The following SCN9A variants were observed in gnomAD, a reference collection of about 807,000 sequenced individuals.
SCN9A encodes sodium channel protein type 9 subunit alpha.
A neutral mutation model predicts 187.0 loss-of-function variants in SCN9A; 131 were observed. That is an observed-to-expected ratio of 0.70 (90% CI 0.61 to 0.81). SCN9A has a LOEUF of 0.81. Ranked by LOEUF, SCN9A falls within the 30% of genes least tolerant of loss-of-function variation. The pLI is 0.00. For missense variants in SCN9A, 2,252 were observed against 2,396.6 expected, an observed-to-expected ratio of 0.94 and a Z score of 1.26; for synonymous variants, 809 against 808.6, an observed-to-expected ratio of 1.00 and a Z score of -0.01.
In SCN9A at chr2:166,199,511, T is replaced by A; in HGVS notation, c.5128A>T (p.Ser1710Cys). 1 of 1,614,218 alleles carries A rather than the reference T, an allele frequency of 6.2e-7. No individual in the cohort carries two copies. The highest frequency in any genetic ancestry group is 8.5e-7 in the Non-Finnish European group (1 of 1,180,046). ...WDGLLAPILNSKPPDCDPKKV... is the reference protein window; with the variant it reads ...WDGLLAPILNCKPPDCDPKKV... ...TTTGGGTCACAGTCGGGTGGCTTAC[T>A]GTTAAGAATAGGTGCTAGCAATCCA... The change falls in exon 27 of 27, where the codon AGT becomes TGT. Residue 1710 changes from serine to cysteine, a missense_variant. This residue lies in a region of SCN9A where 345 missense variants were observed against 344.6 expected (regional missense o/e 1.00). Transcript: ENST00000642356.
chr2:166,363,075 T>C (rs763905132), intron 1 of SCN9A, among the ~76,000 whole-genome samples: 1 of 152,042 alleles, frequency 6.6e-6, no homozygotes, highest in African/African-American at 2.4e-5. Flanking sequence ...ATCTGTGGTA[T>C]AAACACTAAC....
Position 166,196,565 on chromosome 2 carries a change from T to A in SCN9A, c.*2107A>T, listed in dbSNP as rs1028598933. 2 of 152,192 alleles carry A rather than the reference T, an allele frequency of 1.3e-5. No homozygotes were observed. The highest frequency in any genetic ancestry group is 4.8e-5 in the African/African-American group (2 of 41,460). The allele number at this position is 152,192 out of a possible 1,614,324, so 9.4% of individuals were successfully genotyped here. The stretch of plus-strand genomic sequence containing the variant: ...TACTACATTATGTAAGTATTCATAA[T>A]GCAGTTATATTTGTGAGTTTGAAAT... On this transcript the variant is annotated 3_prime_UTR_variant, in exon 27 of 27. Transcript: ENST00000642356.
intron 24 of SCN9A, among the ~76,000 whole-genome samples, chr2:166,222,177 A>T (rs969395243): frequency 1.3e-5 from 2 of 152,206 alleles, no homozygotes; most frequent in African/African-American, 4.8e-5. Context: ...TGAAAAAGCA[A>T]CCTATAGAAT....
At chr2:166,238,484 G>T (rs1695419224) in intron 19 of SCN9A, among the ~76,000 whole-genome samples, 1 of 152,176 alleles carries the variant, frequency 6.6e-6, no homozygotes, top group Non-Finnish European at 1.5e-5. Flanking sequence ...AAGAGAAAGT[G>T]CAAAAGAATG....
chr2:166,220,192 G>A (rs931642180), intron 24 of SCN9A, among the ~76,000 whole-genome samples: 4 of 152,104 alleles, frequency 2.6e-5, no homozygotes, highest in African/African-American at 9.7e-5. Context: ...AAGAGATTCA[G>A]AAGAAGCATT....
At chr2:166,206,397 A>T (rs923302933) in intron 24 of SCN9A, among the ~76,000 whole-genome samples, 4 of 152,196 alleles carry the variant, frequency 2.6e-5, no homozygotes, top group African/African-American at 9.7e-5. Flanking sequence ...CATCATTCTC[A>T]GCAAAATATC....
intron 25 of SCN9A, 31 bp from the exon 26 acceptor site, chr2:166,204,256 A>C (rs202240496): frequency 6.3e-7 from 1 of 1,593,148 alleles, no homozygotes; most frequent in East Asian, 2.2e-5. Context: ...TATCGAATGC[A>C]GAGTAAACTT....
At chr2:166,249,793 T>A (rs1427644022) in intron 18 of SCN9A, among the ~76,000 whole-genome samples, 3 of 152,130 alleles carry the variant, frequency 2.0e-5, no homozygotes, top group Non-Finnish European at 2.9e-5. Flanking sequence ...TTTGAAGTCA[T>A]TTTTTGGTTT....
chr2:166,259,975 T>C (rs899472999), intron 17 of SCN9A, among the ~76,000 whole-genome samples: 3 of 151,798 alleles, frequency 2.0e-5, no homozygotes, highest in African/African-American at 7.2e-5. Context: ...CAAATGCCAA[T>C]TTTACGAAAC....
At chr2:166,263,590 A>C (rs994909193) in intron 17 of SCN9A, among the ~76,000 whole-genome samples, 1 of 151,980 alleles carries the variant, frequency 6.6e-6, no homozygotes, top group Non-Finnish European at 1.5e-5. Context: ...ATCAATAACC[A>C]TCTAGTCTTC....
At position 166,330,693 on chromosome 2, in the gene SCN9A, G is replaced by C. The variant is rs138700579; in HGVS notation, c.-50-18887C>G. Among the ~76,000 whole-genome samples, 838 of 152,234 alleles carry C rather than the reference G, an allele frequency of 5.5e-3. 10 individuals carry two copies. Among genetic ancestry groups the C allele is most frequent in the South Asian group, 0.022 (106 of 4,822 alleles). On this transcript the variant is annotated intron_variant, in intron 1 of 26. Coordinates refer to ENST00000642356, the MANE Select transcript of SCN9A (RefSeq NM_001365536.1). ...GAAACTATTCCACTTCAGATGATCA[G>C]GCATTAGTTAGAGTCTCATAAGGAG...
At chr2:166,258,810 A>G (rs1157847271) in intron 17 of SCN9A, among the ~76,000 whole-genome samples, 1 of 151,730 alleles carries the variant, frequency 6.6e-6, no homozygotes, top group Admixed American at 6.6e-5. Flanking sequence ...GTTTTGATCT[A>G]CTTAATTTAA....
chr2:166,300,236 G>A (rs1175765938), intron 7 of SCN9A, among the ~76,000 whole-genome samples: 1 of 150,748 alleles, frequency 6.6e-6, no homozygotes, highest in African/African-American at 2.5e-5. Context: ...TACTTTCTCT[G>A]TTGCCATTCT....
At chr2:166,323,451 T>A (rs1699291326) in intron 1 of SCN9A, among the ~76,000 whole-genome samples, 1 of 152,158 alleles carries the variant, frequency 6.6e-6, no homozygotes, top group African/African-American at 2.4e-5. Flanking sequence ...AGGGAAAATC[T>A]ATAGGATGAG....
chr2:166,256,343 T>C (rs577284564), intron 17 of SCN9A, among the ~76,000 whole-genome samples: 3 of 151,418 alleles, frequency 2.0e-5, no homozygotes, highest in Admixed American at 6.6e-5. Context: ...ACAATCTTTT[T>C]TTTTTGATAT....
At chr2:166,270,870 G>T (rs1048625198) in intron 17 of SCN9A, among the ~76,000 whole-genome samples, 1 of 151,628 alleles carries the variant, frequency 6.6e-6, no homozygotes, top group African/African-American at 2.4e-5. Context: ...GGAGATAGAA[G>T]ATATTTGGTA....
At chr2:166,339,626 C>T (rs1006399255) in intron 1 of SCN9A, among the ~76,000 whole-genome samples, 1 of 152,068 alleles carries the variant, frequency 6.6e-6, no homozygotes, top group Non-Finnish European at 1.5e-5. Context: ...TATCAAGCAT[C>T]TATATTTAAA....
chr2:166,203,160 C>T (rs1387974015), intron 26 of SCN9A, among the ~76,000 whole-genome samples: 2 of 151,802 alleles, frequency 1.3e-5, no homozygotes, highest in African/African-American at 4.8e-5. Context: ...TAAATGCTTA[C>T]TCTGTTATGT....
In SCN9A at chr2:166,228,552, C is replaced by T. The variant is rs1006078387; in HGVS notation, c.4206+139G>A. ...GACTACAGGCATGAGCCACTGCGCC[C>T]GGCCAAGACTGGCACTGTTTTAAAA... is the stretch of plus-strand genomic sequence containing the variant. On this transcript the variant is annotated intron_variant, in intron 22 of 26. Transcript: ENST00000642356. The T allele has an allele frequency of 1.4e-4, 122 of 848,480 alleles. 1 individual carries two copies. The highest frequency in any genetic ancestry group is 2.1e-4 in the African/African-American group (11 of 53,224). 52.6% of individuals were successfully genotyped at this position (848,480 alleles called of 1,614,324 possible).
Sources: gnomAD v4.1 joint callset for allele counts (sites outside exome capture counted in the v4.1 genomes callset) on GRCh38, gnomAD v4.1.1 for gene constraint, gnomAD v4.1.1 regional missense constraint, MANE v1.5 for transcripts, NCBI Gene and HGNC (gene_info 2026-07-23, HGNC 2026-07-21) for gene names.